The following RGS6 variants were observed in gnomAD, a reference collection of about 807,000 sequenced individuals.
RGS6 encodes the protein regulator of G protein signaling 6.
A neutral mutation model predicts 78.5 loss-of-function variants in RGS6; 30 were observed. The observed-to-expected ratio is 0.38, with a 90% CI of 0.29 to 0.52. The LOEUF (loss-of-function observed/expected upper bound fraction) is 0.52, where lower values mean the gene tolerates loss of function less well. Ranked by LOEUF, RGS6 falls within the 20% of genes least tolerant of loss-of-function variation. The pLI is 0.85. For missense variants in RGS6, 495 were observed against 609.7 expected (o/e 0.81, Z 1.98); for synonymous variants, 206 against 206.0 (o/e 1.00, Z 0.00).
intron 2 of RGS6, among the ~76,000 whole-genome samples, chr14:72,201,905 C>G (rs2041667224): frequency 6.6e-6 from 1 of 152,000 alleles, no homozygotes; most frequent in South Asian, 2.1e-4. Context: ...CTTTTTGTAT[C>G]ACAGGAAAAA....
At chr14:72,064,693 A>G (rs945994900) in intron 2 of RGS6, among the ~76,000 whole-genome samples, 3 of 152,220 alleles carry the variant, frequency 2.0e-5, no homozygotes, top group East Asian at 1.9e-4. Flanking sequence ...GAATGAGGAG[A>G]TAAAACTGGA....
At chr14:72,331,962 G>T (rs1416767394) in intron 2 of RGS6, among the ~76,000 whole-genome samples, 1 of 152,164 alleles carries the variant, frequency 6.6e-6, no homozygotes, top group Non-Finnish European at 1.5e-5. Context: ...GCCCTGCAAA[G>T]AGTTAAATGA....
intron 3 of RGS6, among the ~76,000 whole-genome samples, chr14:72,391,546 C>G (rs369466920): frequency 1.6e-4 from 24 of 152,288 alleles, no homozygotes; most frequent in African/African-American, 5.3e-4. Flanking sequence ...CACCCCTGGG[C>G]CATTTCCGCC....
intron 13 of RGS6, 78 bp from the exon 14 acceptor site, chr14:72,510,076 T>C (rs1004748718): frequency 1.1e-5 from 16 of 1,476,066 alleles, no homozygotes; most frequent in Non-Finnish European, 1.4e-5. Flanking sequence ...CAAAACAGAC[T>C]TGAGTCACTG....
chr14:72,556,684 G>A (rs1599135430), intron 17 of RGS6, among the ~76,000 whole-genome samples: 1 of 145,576 alleles, frequency 6.9e-6, no homozygotes, highest in African/African-American at 2.6e-5. Flanking sequence ...GTAGGGGTCG[G>A]GGGGGCGGGG....
intron 2 of RGS6, among the ~76,000 whole-genome samples, chr14:72,291,315 T>C (rs1187438867): frequency 6.6e-6 from 1 of 151,948 alleles, no homozygotes; most frequent in Non-Finnish European, 1.5e-5. Flanking sequence ...ACTGTCCTTT[T>C]TCTTTTCCCA....
chr14:71,963,064 A>G (rs187683163), intron 1 of RGS6, among the ~76,000 whole-genome samples: 2 of 152,248 alleles, frequency 1.3e-5, no homozygotes, highest in African/African-American at 4.8e-5. Context: ...AGCTTATTTG[A>G]CCCTTACCTG....
chr14:72,497,055 C>T (rs533399187), intron 13 of RGS6, among the ~76,000 whole-genome samples: 25 of 152,144 alleles, frequency 1.6e-4, no homozygotes, highest in African/African-American at 5.8e-4. Flanking sequence ...ACAATGATTC[C>T]GGGAACATCT....
Position 72,397,026 on chromosome 14 carries a change from G to A in RGS6, c.184+44832G>A, listed in dbSNP as rs550408194. On this transcript the variant is annotated intron_variant, in intron 3 of 17. Transcript: ENST00000553525. Reference sequence around the variant, plus strand: ...TGGCTTAGGATTGACTTGGCAATGCGGGCTCTTTTTTTGGTTCCATATGAA... The same window carrying A: ...TGGCTTAGGATTGACTTGGCAATGCAGGCTCTTTTTTTGGTTCCATATGAA... Among the ~76,000 whole-genome samples the A allele has an allele frequency of 8.1e-4, 124 of 152,208 alleles. 1 individual carries two copies. Among genetic ancestry groups the A allele is most frequent in the African/African-American group, 2.6e-3 (109 of 41,536 alleles).
intron 2 of RGS6, among the ~76,000 whole-genome samples, chr14:72,023,305 A>G (rs866791093): frequency 6.6e-6 from 1 of 152,132 alleles, no homozygotes; most frequent in East Asian, 1.9e-4. Context: ...AAGAAAGTCA[A>G]TTTCCTTCTT....
chr14:72,236,885 G>A (rs1317544643), intron 2 of RGS6, among the ~76,000 whole-genome samples: 1 of 152,210 alleles, frequency 6.6e-6, no homozygotes, highest in Non-Finnish European at 1.5e-5. Context: ...GCGGCGGCCG[G>A]GCAAAGGTGC....
At chr14:72,124,517 G>A (rs1300246116) in intron 2 of RGS6, among the ~76,000 whole-genome samples, 2 of 152,152 alleles carry the variant, frequency 1.3e-5, no homozygotes, top group African/African-American at 4.8e-5. Context: ...ACTGTAGGAT[G>A]TCTCTAAACA....
chr14:71,951,730 A>T (rs2092337297), intron 1 of RGS6, among the ~76,000 whole-genome samples: 2 of 152,154 alleles, frequency 1.3e-5, no homozygotes, highest in Admixed American at 1.3e-4. Context: ...TTAATCCATT[A>T]ATATGGAATA....
intron 2 of RGS6, among the ~76,000 whole-genome samples, chr14:72,088,846 C>G (rs571443758): frequency 6.6e-6 from 1 of 152,206 alleles, no homozygotes; most frequent in South Asian, 2.1e-4. Context: ...CTTTCTGCTC[C>G]TCAGTCACTC....
At chr14:72,147,298 C>T (rs1011015770) in intron 2 of RGS6, among the ~76,000 whole-genome samples, 4 of 152,172 alleles carry the variant, frequency 2.6e-5, no homozygotes, top group South Asian at 2.1e-4. Context: ...ACCCTCTTCT[C>T]GATACCAATT....
the RGS6 span, among the ~76,000 whole-genome samples, chr14:71,925,216 T>TA: frequency 2.6e-5 from 4 of 152,216 alleles, no homozygotes; most frequent in Admixed American, 2.6e-4. Context: ...TTACGTCTTT[T>TA]AAAAAAATGT....
chr14:72,377,539 C>G (rs35981409), intron 3 of RGS6, among the ~76,000 whole-genome samples: 9,653 of 152,158 alleles, frequency 0.063, 482 homozygotes, highest in East Asian at 0.3. Context: ...CACTATAGAC[C>G]AAATAATATA....
At chr14:72,151,549 A>G (rs1422322498) in intron 2 of RGS6, among the ~76,000 whole-genome samples, 1 of 152,150 alleles carries the variant, frequency 6.6e-6, no homozygotes, top group Admixed American at 6.5e-5. Context: ...TAGAGGCACA[A>G]AGTCTGAGGG....
chr14:72,352,795 A>G (rs1211980856), intron 3 of RGS6, among the ~76,000 whole-genome samples: 1 of 152,168 alleles, frequency 6.6e-6, no homozygotes, highest in South Asian at 2.1e-4. Context: ...CCCCTTGGGT[A>G]CCTACTGTAT....
Sources: allele counts gnomAD v4.1 joint callset (sites outside exome capture counted in the v4.1 genomes callset), GRCh38; gene constraint gnomAD v4.1.1; transcripts MANE v1.5; gene names NCBI Gene and HGNC (gene_info 2026-07-23, HGNC 2026-07-21).